ORC3: variants seen among roughly 807,000 people sequenced by gnomAD.
ORC3 encodes homolog of latheo, Drosophila.
Under a neutral mutation model 100.7 loss-of-function variants are expected in ORC3, and 78 were observed. The observed-to-expected ratio is 0.77, with a 90% CI of 0.65 to 0.94. The LOEUF (loss-of-function observed/expected upper bound fraction) is 0.94, where lower values mean the gene tolerates loss of function less well. Ranked by LOEUF, ORC3 falls within the 40% of genes least tolerant of loss-of-function variation. ORC3 has a pLI of 0.00. For synonymous variants in ORC3, 295 were observed against 289.3 expected (o/e 1.02, Z -0.20); for missense variants, 789 against 823.9 (o/e 0.96, Z 0.52).
At chr6:87,600,725 T>A (rs1484386081) in intron 2 of ORC3, among the ~76,000 whole-genome samples, 1 of 152,208 alleles carries the variant, frequency 6.6e-6, no homozygotes, top group Admixed American at 6.5e-5. Context: ...AAGGATGGAT[T>A]GTACAATAAA....
rs558746539 is a variant in ORC3, at chr6:87,664,823, G to A, written c.1914G>A (p.Glu638=). The change falls in exon 18 of 20, where the codon GAG becomes GAA. Residue 638 remains glutamate (E), a synonymous_variant. Coordinates refer to ENST00000392844, the MANE Select transcript of ORC3 (RefSeq NM_012381.4). The part of the protein sequence containing the change: ...DICIAYKLHL[E]CSRLINLVDW... Reference sequence around the variant, plus strand: ...GCATAGCATACAAACTGCACCTAGAGTGTAGCAGGCTCATCAACCTCGTGG... The same window carrying A: ...GCATAGCATACAAACTGCACCTAGAATGTAGCAGGCTCATCAACCTCGTGG... 4 of 1,613,984 alleles carry A rather than the reference G, an allele frequency of 2.5e-6. No homozygotes were observed. The highest frequency in any genetic ancestry group is 3.3e-5 in the Admixed American group (2 of 60,020).
rs181261458 is a variant in ORC3 at position 87,642,856 on chromosome 6, C to T, written c.1382+6370C>T. On this transcript the variant is annotated intron_variant, in intron 13 of 19. Transcript: ENST00000392844. ...GGTGGAGCTTGCAGTGAGCCGAGAT[C>T]GCACCACTGCACTCCAGCCTGGGCG... 2.7e-3 allele frequency among the ~76,000 whole-genome samples: 407 copies of T among 151,546 alleles called. 1 individual carries two copies. The highest frequency in any genetic ancestry group is 9.5e-3 in the African/African-American group (392 of 41,256).
Position 87,653,253 on chromosome 6 carries a change from A to C in ORC3, c.1516+4A>C. 6.2e-7 allele frequency: 1 copy of C among 1,612,748 alleles called. No individual in the cohort carries two copies. On this transcript the variant is annotated splice_donor_region_variant and intron_variant, in intron 14 of 19. Transcript: ENST00000392844. Reference sequence around the variant, plus strand: ...GCCCAGTTTCAGAGCCTCGATGGTAAGAGTGTAATATCCTTCCAATTCTAT... The same window carrying C: ...GCCCAGTTTCAGAGCCTCGATGGTACGAGTGTAATATCCTTCCAATTCTAT...
At chr6:87,639,527 C>G (rs143516986) in intron 13 of ORC3, among the ~76,000 whole-genome samples, 7 of 152,280 alleles carry the variant, frequency 4.6e-5, no homozygotes, top group African/African-American at 1.7e-4. Flanking sequence ...GAGCCTGCAG[C>G]CTTCTGCAGC....
intron 14 of ORC3, among the ~76,000 whole-genome samples, chr6:87,654,085 T>A (rs941821025): frequency 3.9e-5 from 6 of 152,186 alleles, no homozygotes. Flanking sequence ...AACAGGTAGT[T>A]TTTTCATATA....
At chr6:87,633,969 A>T (rs1332196479) in intron 11 of ORC3, among the ~76,000 whole-genome samples, 1 of 152,066 alleles carries the variant, frequency 6.6e-6, no homozygotes, top group Non-Finnish European at 1.5e-5. Context: ...TTTTTTCTGT[A>T]TCTAAATCCC....
At chr6:87,676,630 CAT>C in the ORC3 span, among the ~76,000 whole-genome samples, 3 of 146,250 alleles carry the variant, frequency 2.1e-5, no homozygotes, top group African/African-American at 7.6e-5. Context: ...CACACACAAA[CAT>C]AGCTGGGCAT....
intron 6 of ORC3, 44 bp from the exon 7 acceptor site, chr6:87,609,052 G>A: frequency 6.6e-7 from 1 of 1,517,376 alleles, no homozygotes; most frequent in Non-Finnish European, 8.8e-7. Flanking sequence ...TGTTTGAGTG[G>A]TAAGGCTTAC....
At chr6:87,611,255 T>C (rs969672258) in intron 7 of ORC3, among the ~76,000 whole-genome samples, 1 of 152,028 alleles carries the variant, frequency 6.6e-6, no homozygotes, top group Non-Finnish European at 1.5e-5. Flanking sequence ...AGGACTTGCA[T>C]GAACCATTGC....
intron 13 of ORC3, among the ~76,000 whole-genome samples, chr6:87,643,553 G>A (rs530726031): frequency 3.0e-4 from 45 of 152,290 alleles, no homozygotes; most frequent in Non-Finnish European, 5.7e-4. Flanking sequence ...GCGGTATTCC[G>A]CTAATAGTGA....
At position 87,601,804 on chromosome 6, in the gene ORC3, A is replaced by G. The variant is rs1428857738; in HGVS notation, c.100A>G (p.Lys34Glu). ...TTTAGAGGACTATTTTAACAAAGGG[A>G]AAAATGAGCCTGAGGACAGTAAGCT... The part of the protein sequence containing the change: ...LPIEDYFNKG[K>E]NEPEDSKLRF... Residue 34 changes from lysine to glutamate, a missense_variant, in exon 3 of 20, where the codon AAA becomes GAA. Physicochemically the swap from Lys to Glu is moderately conservative, Grantham distance 56. Coordinates refer to ENST00000392844, the MANE Select transcript of ORC3 (RefSeq NM_012381.4). 2 of 1,601,324 alleles carry G rather than the reference A, an allele frequency of 1.2e-6. No individual in the cohort carries two copies. The highest frequency in any genetic ancestry group is 1.3e-5 in the African/African-American group (1 of 74,692).
chr6:87,665,932 C>T, intron 19 of ORC3, 99 bp downstream of exon 19: 2 of 664,676 alleles, frequency 3.0e-6, no homozygotes, highest in Non-Finnish European at 5.3e-6. Flanking sequence ...AGGCGTACTC[C>T]AAACAACCGT....
chr6:87,633,320 A>G (rs773726050), intron 11 of ORC3, among the ~76,000 whole-genome samples: 49 of 152,342 alleles, frequency 3.2e-4, no homozygotes, highest in Non-Finnish European at 5.9e-4. Context: ...GAACTAAGCT[A>G]AAGTTTAGAA....
chr6:87,623,833 G>A (rs1044890182), intron 11 of ORC3, among the ~76,000 whole-genome samples: 38 of 152,008 alleles, frequency 2.5e-4, no homozygotes, highest in Admixed American at 1.4e-3. Context: ...GTGGTAAGCC[G>A]AGATTGTACC....
At chr6:87,611,962 A>T (rs1347961343) in intron 7 of ORC3, 127 bp from the exon 8 acceptor site, 1 of 790,748 alleles carries the variant, frequency 1.3e-6, no homozygotes, top group Non-Finnish European at 1.9e-6. Flanking sequence ...TAGTGTTTGC[A>T]ATGATAATCC....
intron 18 of ORC3, among the ~76,000 whole-genome samples, chr6:87,665,548 C>T (rs764297802): frequency 4.6e-5 from 7 of 152,078 alleles, no homozygotes; most frequent in Non-Finnish European, 7.4e-5. Flanking sequence ...ACTCTTAGTT[C>T]TCTGAAACAA....
At chr6:87,640,069 G>A (rs6930600) in intron 13 of ORC3, among the ~76,000 whole-genome samples, 91,020 of 151,870 alleles carry the variant, frequency 0.6, 27,891 homozygotes, top group African/African-American at 0.72. Flanking sequence ...AAACCCCAGT[G>A]TGTCACGCCT....
At chr6:87,652,446 C>T (rs1769352895) in intron 13 of ORC3, among the ~76,000 whole-genome samples, 1 of 152,198 alleles carries the variant, frequency 6.6e-6, no homozygotes, top group African/African-American at 2.4e-5. Flanking sequence ...ATGAGCTACT[C>T]AACCACTCTG....
intron 14 of ORC3, 91 bp downstream of exon 14, chr6:87,653,340 G>A: frequency 8.6e-7 from 1 of 1,157,650 alleles, no homozygotes; most frequent in Non-Finnish European, 1.2e-6. Context: ...TGTGCTTAGA[G>A]ATAAAGAGAT....
Sources: allele counts gnomAD v4.1 joint callset (sites outside exome capture counted in the v4.1 genomes callset), GRCh38; gene constraint gnomAD v4.1.1; transcripts MANE v1.5; gene names NCBI Gene and HGNC (gene_info 2026-07-23, HGNC 2026-07-21).